RFFL: variants seen among roughly 807,000 people sequenced by gnomAD.
RFFL encodes E3 ubiquitin-protein ligase rififylin.
RFFL carries 16 observed loss-of-function variants against 40.4 expected under a neutral mutation model. That is an observed-to-expected ratio of 0.40 (90% confidence interval 0.27 to 0.60). The LOEUF is 0.60. Among genes scored for constraint, RFFL ranks in the 20% least tolerant of loss-of-function variants. The pLI is 0.47. For missense variants in RFFL, 367 were observed against 451.7 expected (o/e 0.81, Z 1.70); for synonymous variants, 154 against 167.9 (o/e 0.92, Z 0.64).
At chr17:35,053,849 C>T (rs2091245043) in intron 1 of RFFL, among the ~76,000 whole-genome samples, 2 of 152,206 alleles carry the variant, frequency 1.3e-5, no homozygotes, top group Non-Finnish European at 2.9e-5. Context: ...ATTATCCTAA[C>T]AAATTCCAGA....
chr17:35,048,390 A>G (rs1403124302), intron 1 of RFFL, among the ~76,000 whole-genome samples: 1 of 152,112 alleles, frequency 6.6e-6, no homozygotes, highest in African/African-American at 2.4e-5. Context: ...CGACAGAGCG[A>G]GACTCCATCT....
At chr17:35,022,227 G>A (rs1213494165) in intron 2 of RFFL, among the ~76,000 whole-genome samples, 1 of 152,170 alleles carries the variant, frequency 6.6e-6, no homozygotes, top group African/African-American at 2.4e-5. Context: ...TCTACCTCAT[G>A]GGGTTGTTGT....
At chr17:35,043,642 G>A (rs745959544) in intron 1 of RFFL, among the ~76,000 whole-genome samples, 21 of 152,142 alleles carry the variant, frequency 1.4e-4, no homozygotes, top group South Asian at 2.1e-4. Flanking sequence ...TGGCAGACAC[G>A]GGGAAAATTG....
intron 1 of RFFL, among the ~76,000 whole-genome samples, chr17:35,057,554 T>A (rs2091268253): frequency 6.6e-6 from 1 of 151,052 alleles, no homozygotes; most frequent in Non-Finnish European, 1.5e-5. Context: ...GGAACAGATT[T>A]CACATTCTCC....
intron 1 of RFFL, among the ~76,000 whole-genome samples, chr17:35,037,522 A>C (rs2091131350): frequency 6.6e-6 from 1 of 152,146 alleles, no homozygotes; most frequent in Admixed American, 6.5e-5. Flanking sequence ...GAAAGTAGCC[A>C]CTCTCTGCTG....
chr17:35,039,243 C>T (rs549029431), intron 1 of RFFL, among the ~76,000 whole-genome samples: 158 of 151,170 alleles, frequency 1.0e-3, no homozygotes, highest in African/African-American at 3.7e-3. Context: ...TTTTTTGAGA[C>T]GCAGTCTCGC....
intron 1 of RFFL, among the ~76,000 whole-genome samples, chr17:35,071,172 T>A (rs1221962531): frequency 7.4e-6 from 1 of 135,336 alleles, no homozygotes; most frequent in Non-Finnish European, 1.5e-5. Context: ...CACTCCAGCC[T>A]AGGCTACAGA....
At chr17:35,048,072 A>C (rs1458427520) in intron 1 of RFFL, among the ~76,000 whole-genome samples, 1 of 152,032 alleles carries the variant, frequency 6.6e-6, no homozygotes, top group Non-Finnish European at 1.5e-5. Flanking sequence ...CTTTAAAAAG[A>C]CGTTTATCAG....
chr17:35,014,088 T>C (rs886421919), intron 6 of RFFL, among the ~76,000 whole-genome samples: 1 of 152,176 alleles, frequency 6.6e-6, no homozygotes, highest in Non-Finnish European at 1.5e-5. Flanking sequence ...CCATATACCC[T>C]TGAGGCTTTT....
rs368394984 is a variant in RFFL, at chr17:35,021,619, G to T, written c.343C>A (p.Leu115Ile). Residue 115 changes from leucine to isoleucine, a missense_variant, in exon 3 of 7, where the codon CTC (leucine) becomes ATC (isoleucine). By Grantham distance (5) the Leu-to-Ile change is conservative. Transcript: ENST00000394597. Reference sequence around the variant, plus strand: ...CACATTTCGGTAGAGATGTCATGGAGGCTGAGATAGTCCCTCAAGTCCTTC... The same window carrying T: ...CACATTTCGGTAGAGATGTCATGGATGCTGAGATAGTCCCTCAAGTCCTTC... ...KVKDLRDYLS[L>I]HDISTEMCRE... 2 of 1,614,144 alleles carry T rather than the reference G, an allele frequency of 1.2e-6. No homozygotes were observed. The highest frequency in any genetic ancestry group is 2.7e-5 in the African/African-American group (2 of 74,946).
chr17:35,018,746 T>C (rs1168720354), intron 3 of RFFL: 1 of 152,254 alleles, frequency 6.6e-6, no homozygotes, highest in South Asian at 2.1e-4. Context: ...ATAGTACACA[T>C]GTATGGGGAT....
At chr17:35,013,143 T>G (rs1216261906) in intron 6 of RFFL, among the ~76,000 whole-genome samples, 8 of 152,214 alleles carry the variant, frequency 5.3e-5, no homozygotes, top group Non-Finnish European at 2.9e-5. Flanking sequence ...TGAGGCCAAC[T>G]GGGGCAAAAA....
At chr17:35,044,214 G>A (rs2091183527) in intron 1 of RFFL, among the ~76,000 whole-genome samples, 1 of 152,088 alleles carries the variant, frequency 6.6e-6, no homozygotes, top group Non-Finnish European at 1.5e-5. Context: ...AGCTAGAACT[G>A]CAAATACCCA....
intron 1 of RFFL, among the ~76,000 whole-genome samples, chr17:35,082,627 T>C (rs1024259677): frequency 6.6e-6 from 1 of 152,224 alleles, no homozygotes; most frequent in African/African-American, 2.4e-5. Context: ...TGGAAAGAGA[T>C]ATAGAGAAAG....
At chr17:35,066,098 AG>A, upstream of RFFL, among the ~76,000 whole-genome samples, 1 of 152,220 alleles carries the variant, frequency 6.6e-6, no homozygotes, top group South Asian at 2.1e-4. Flanking sequence ...AATCCAGCCC[AG>A]GCGACAGAAG....
At chr17:35,077,843 A>C (rs2142383853) in intron 1 of RFFL, among the ~76,000 whole-genome samples, 1 of 152,328 alleles carries the variant, frequency 6.6e-6, no homozygotes, top group African/African-American at 2.4e-5. Flanking sequence ...AGGGAGGCCA[A>C]AAGATGGCAC....
intron 1 of RFFL, among the ~76,000 whole-genome samples, chr17:35,077,245 CT>C: frequency 6.6e-6 from 1 of 152,048 alleles, no homozygotes; most frequent in South Asian, 2.1e-4. Flanking sequence ...CAGATGGTAG[CT>C]TCAGTTATAG....
intron 1 of RFFL, among the ~76,000 whole-genome samples, chr17:35,071,614 A>G (rs2091351245): frequency 6.6e-6 from 1 of 151,578 alleles, no homozygotes; most frequent in African/African-American, 2.4e-5. Context: ...TGAGTGAGAC[A>G]CTGTCCAAAA....
chr17:35,011,184 C>G lies in RFFL; in HGVS notation c.*784G>C, dbSNP rs566370600. 2 of 152,272 alleles carry G rather than the reference C, an allele frequency of 1.3e-5. No individual in the cohort carries two copies. The highest frequency in any genetic ancestry group is 4.2e-4 in the South Asian group (2 of 4,818). The allele number at this position is 152,272 out of a possible 1,614,324, so 9.4% of individuals were successfully genotyped here. ...AACTAAGGATGGTGCAAATCAGGTC[C>G]CAAGAGAAGCAGCAGCAGGGATTAT... On this transcript the variant is annotated 3_prime_UTR_variant, in exon 7 of 7. Coordinates refer to ENST00000394597, the MANE Select transcript of RFFL (RefSeq NM_001017368.2).
Sources: gnomAD v4.1 joint callset for allele counts (sites outside exome capture counted in the v4.1 genomes callset) on GRCh38, gnomAD v4.1.1 for gene constraint, MANE v1.5 for transcripts, NCBI Gene and HGNC (gene_info 2026-07-23, HGNC 2026-07-21) for gene names.